Variants in KCNU1 observed in about 807,000 individuals in gnomAD.
The protein encoded by KCNU1 is potassium calcium-activated channel subfamily U member 1, also known as potassium channel subfamily U member 1.
In KCNU1, 93 loss-of-function variants were observed where a neutral mutation model predicts 126.8. The observed-to-expected ratio is 0.73, with a 90% CI of 0.62 to 0.87. The LOEUF (loss-of-function observed/expected upper bound fraction) is 0.87. Ranked by LOEUF, KCNU1 falls within the 40% of genes least tolerant of loss-of-function variation. The pLI is 0.00. For synonymous variants in KCNU1, 523 were observed against 494.2 expected, an observed-to-expected ratio of 1.06 and a Z score of -0.77; for missense variants, 1,330 against 1,367.1, an observed-to-expected ratio of 0.97 and a Z score of 0.43.
At chr8:36,837,386 G>T (rs1404319729) in intron 14 of KCNU1, among the ~76,000 whole-genome samples, 1 of 152,066 alleles carries the variant, frequency 6.6e-6, no homozygotes, top group Admixed American at 6.6e-5. Flanking sequence ...GATACAAATA[G>T]TAATTAAAAT....
chr8:36,828,415 A>C (rs1471714392), intron 10 of KCNU1, among the ~76,000 whole-genome samples: 1 of 152,110 alleles, frequency 6.6e-6, no homozygotes, highest in Non-Finnish European at 1.5e-5. Flanking sequence ...TTTAAATATC[A>C]CTACCATTCT....
At chr8:36,841,043 T>TG (rs878936808) in intron 16 of KCNU1, 40 bp downstream of exon 16, 4 of 1,285,832 alleles carry the variant, frequency 3.1e-6, no homozygotes, top group Non-Finnish European at 1.1e-6. Context: ...TGTTTTTTTT[T>TG]TTTTTTTTTT....
At chr8:36,905,645 C>T (rs1447807742) in intron 19 of KCNU1, 63 bp from the exon 20 acceptor site, 7 of 886,188 alleles carry the variant, frequency 7.9e-6, no homozygotes, top group African/African-American at 1.6e-5. Flanking sequence ...AGTTTTACAT[C>T]TCGGCTTTGT....
chr8:36,788,350 T>G (rs1202002252), intron 2 of KCNU1, among the ~76,000 whole-genome samples: 1 of 152,222 alleles, frequency 6.6e-6, no homozygotes, highest in Non-Finnish European at 1.5e-5. Flanking sequence ...GACTATGTCA[T>G]GGAAATGTTT....
chr8:36,909,583 T>G (rs1807785016), intron 21 of KCNU1, 48 bp downstream of exon 21: 7 of 1,037,698 alleles, frequency 6.7e-6, no homozygotes, highest in Non-Finnish European at 1.0e-5. Context: ...ATTTCAATAT[T>G]AATAGGACTA....
intron 10 of KCNU1, among the ~76,000 whole-genome samples, chr8:36,824,493 G>A (rs1405637376): frequency 6.6e-6 from 1 of 152,242 alleles, no homozygotes; most frequent in South Asian, 2.1e-4. Flanking sequence ...AAATGGTACT[G>A]TATATATGGG....
At chr8:36,922,330 GA>G (rs60216672) in intron 23 of KCNU1, among the ~76,000 whole-genome samples, 159 bp from the exon 24 acceptor site, 35,293 of 149,646 alleles carry the variant, frequency 0.24, 4,953 homozygotes, top group African/African-American at 0.4. Flanking sequence ...GGAAAGGAAA[GA>G]AAAAAAAAAT....
chr8:36,880,554 C>T (rs1324934772), intron 19 of KCNU1, among the ~76,000 whole-genome samples: 1 of 152,158 alleles, frequency 6.6e-6, no homozygotes, highest in Middle Eastern at 3.4e-3. Context: ...AAACTGCGTT[C>T]TCAAGCAAAA....
At chr8:36,909,083 TAGAA>T (rs1235892859) in intron 20 of KCNU1, among the ~76,000 whole-genome samples, 3 of 152,174 alleles carry the variant, frequency 2.0e-5, no homozygotes, top group Admixed American at 6.5e-5. Context: ...AATAGAAAAC[TAGAA>T]AGAAAGTGAA....
chr8:36,792,374 G>T (rs930027242), intron 2 of KCNU1, among the ~76,000 whole-genome samples: 4 of 152,146 alleles, frequency 2.6e-5, no homozygotes, highest in Non-Finnish European at 5.9e-5. Context: ...AAAGTGTATG[G>T]CTCGTGAAGC....
intron 23 of KCNU1, among the ~76,000 whole-genome samples, chr8:36,921,234 A>G (rs980637077): frequency 2.6e-5 from 4 of 152,146 alleles, no homozygotes; most frequent in African/African-American, 7.2e-5. Context: ...GCTTTCCACC[A>G]GGTGACATGA....
intron 19 of KCNU1, among the ~76,000 whole-genome samples, chr8:36,896,582 T>A (rs1457161519): frequency 2.0e-5 from 3 of 152,060 alleles, no homozygotes; most frequent in South Asian, 2.1e-4. Flanking sequence ...TAGAATGCGA[T>A]GATCTTTAAG....
intron 14 of KCNU1, among the ~76,000 whole-genome samples, chr8:36,837,479 T>C (rs1490893841): frequency 6.6e-6 from 1 of 152,152 alleles, no homozygotes; most frequent in African/African-American, 2.4e-5. Context: ...CTGTCTTGTG[T>C]TTCCCCTCAA....
intron 8 of KCNU1, 112 bp from the exon 9 acceptor site, chr8:36,815,484 C>G (rs1803874635): frequency 1.8e-6 from 1 of 563,348 alleles, no homozygotes; most frequent in Admixed American, 3.7e-5. Context: ...ATCATGTGCT[C>G]TTAGATGACA....
At position 36,911,102 on chromosome 8, in the gene KCNU1, C is replaced by T. The variant is rs745584309; in HGVS notation, c.2504C>T (p.Pro835Leu). The T allele has an allele frequency of 1.4e-5, 22 of 1,612,650 alleles. No homozygotes were observed. Among genetic ancestry groups the T allele is most frequent in the Non-Finnish European group, 1.5e-5 (18 of 1,179,114 alleles). ...GSLQIDSSSD[P>L]SPSVSEETPG... is the part of the protein sequence containing the mutation. ...TTGCAAATTGACTCCTCCTCTGACC[C>T]GTCACCCTCAGTGTCAGGTGAGAAC... The change falls in exon 22 of 27, where the codon CCG (proline) becomes CTG (leucine). Residue 835 changes from proline to leucine, a missense_variant. Pro to Leu is a moderately conservative substitution (Grantham distance 98, BLOSUM62 -3). Around this residue, in one of 3 missense-constraint regions of KCNU1, gnomAD observed 1,054 missense variants for 1,053.9 expected, o/e 1.00. Transcript: ENST00000399881.
At chr8:36,855,365 C>T (rs1805492706) in intron 18 of KCNU1, among the ~76,000 whole-genome samples, 1 of 152,036 alleles carries the variant, frequency 6.6e-6, no homozygotes, top group African/African-American at 2.4e-5. Context: ...GCTTGTAGCA[C>T]TAGATACATG....
chr8:36,821,946 T>C (rs1017819627), intron 10 of KCNU1, among the ~76,000 whole-genome samples: 2 of 152,170 alleles, frequency 1.3e-5, no homozygotes, highest in Non-Finnish European at 2.9e-5. Context: ...AGGTTAGCTG[T>C]ATTCAAAGCA....
intron 24 of KCNU1, 140 bp from the exon 25 acceptor site, chr8:36,930,808 AGAT>A (rs1417420990): frequency 1.9e-6 from 1 of 521,612 alleles, no homozygotes; most frequent in Non-Finnish European, 3.2e-6. Context: ...CAGCTGCATT[AGAT>A]AATAATAATG....
At chr8:36,812,404 G>A (rs1041144183) in intron 7 of KCNU1, among the ~76,000 whole-genome samples, 1 of 150,488 alleles carries the variant, frequency 6.6e-6, no homozygotes, top group Non-Finnish European at 1.5e-5. Context: ...AAAAGTAGTG[G>A]TAATGATTAC....
Sources: allele counts gnomAD v4.1 joint callset (sites outside exome capture counted in the v4.1 genomes callset), GRCh38; gene constraint gnomAD v4.1.1; regional missense constraint gnomAD v4.1.1; transcripts MANE v1.5; gene names NCBI Gene and HGNC (gene_info 2026-07-23, HGNC 2026-07-21).